CTNNA3: variants seen among roughly 807,000 people sequenced by gnomAD.
The protein encoded by CTNNA3 is catenin alpha-3.
CTNNA3 carries 76 observed loss-of-function variants against 95.7 expected under a neutral mutation model. The observed-to-expected ratio is 0.79, with a 90% CI of 0.66 to 0.96. The LOEUF is 0.96. CTNNA3 is among the 40% of genes least tolerant of loss of function. The probability of loss-of-function intolerance (pLI) is 0.00; values close to 1 mark genes in which losing one functional copy is unlikely to be tolerated. For missense variants in CTNNA3, 1,191 were observed against 1,089.8 expected (o/e 1.09, Z -1.31); for synonymous variants, 431 against 374.4 (o/e 1.15, Z -1.74).
intron 13 of CTNNA3, among the ~76,000 whole-genome samples, chr10:66,164,320 G>A (rs2085008462): frequency 6.6e-6 from 1 of 152,152 alleles, no homozygotes; most frequent in Non-Finnish European, 1.5e-5. Context: ...GGAAGTTATT[G>A]TAGTAGATAT....
In CTNNA3 at chr10:66,346,572, T is replaced by C. The variant is rs941337335; in HGVS notation, c.1732+32580A>G. On this transcript the variant is annotated intron_variant, in intron 12 of 17. Transcript: ENST00000433211. ...GATTACAGGCGTGAGCCACCGCACC[T>C]GGCCAAATAGTAAATATATTCATAA... is the stretch of plus-strand genomic sequence containing the variant. Among the ~76,000 whole-genome samples, 18 of 152,092 alleles carry C rather than the reference T, an allele frequency of 1.2e-4. 1 individual carries two copies. The highest frequency in any genetic ancestry group is 2.2e-4 in the Non-Finnish European group (15 of 67,934).
chr10:67,432,998 C>T (rs912924054), intron 5 of CTNNA3, among the ~76,000 whole-genome samples: 1 of 151,918 alleles, frequency 6.6e-6, no homozygotes, highest in Admixed American at 6.6e-5. Context: ...TTTTTAATTT[C>T]CTTCATGAAC....
intron 5 of CTNNA3, among the ~76,000 whole-genome samples, chr10:67,404,375 G>T (rs1478064281): frequency 1.3e-5 from 2 of 151,780 alleles, no homozygotes; most frequent in African/African-American, 4.8e-5. Context: ...CAACCTGATA[G>T]AGCTGAAAAA....
At chr10:67,284,886 G>C (rs535416897) in intron 5 of CTNNA3, among the ~76,000 whole-genome samples, 1 of 152,236 alleles carries the variant, frequency 6.6e-6, no homozygotes, top group Non-Finnish European at 1.5e-5. Context: ...GCTATGTGAG[G>C]AATACAAAAT....
intron 7 of CTNNA3, among the ~76,000 whole-genome samples, chr10:67,093,980 G>A (rs1159349517): frequency 6.6e-6 from 1 of 151,898 alleles, no homozygotes; most frequent in Non-Finnish European, 1.5e-5. Flanking sequence ...GTAGTGCACT[G>A]CTACTTGAGC....
At position 67,580,330 on chromosome 10, in the gene CTNNA3, T is replaced by A. The variant is rs965076541; in HGVS notation, c.292+26527A>T. ...AATAAGGAATCCTTTCCTCCTTTCT[T>A]GTTTTTGTCAGGTTTGTCAAAGATC... On this transcript the variant is annotated intron_variant, in intron 3 of 17. Coordinates refer to ENST00000433211, the MANE Select transcript of CTNNA3 (RefSeq NM_013266.4). Among the ~76,000 whole-genome samples, 16 of 152,306 alleles carry A rather than the reference T, an allele frequency of 1.1e-4. 1 individual carries two copies. Among genetic ancestry groups the A allele is most frequent in the African/African-American group, 3.1e-4 (13 of 41,554 alleles).
intron 1 of CTNNA3, among the ~76,000 whole-genome samples, chr10:67,726,427 TATATC>T (rs374675221): frequency 0.56 from 19,271 of 34,288 alleles, 4,579 homozygotes; most frequent in African/African-American, 0.69. Context: ...TATTATATAT[TATATC>T]ATATATAATA....
intron 3 of CTNNA3, among the ~76,000 whole-genome samples, chr10:67,580,830 G>A (rs1336474120): frequency 6.6e-6 from 1 of 151,416 alleles, no homozygotes; most frequent in Admixed American, 6.6e-5. Context: ...ATTGTGAATG[G>A]GAGTTCACTC....
At chr10:67,320,652 A>T (rs979968234) in intron 5 of CTNNA3, among the ~76,000 whole-genome samples, 2 of 152,192 alleles carry the variant, frequency 1.3e-5, no homozygotes, top group Admixed American at 1.3e-4. Flanking sequence ...AATGCTAGTG[A>T]AATTAATAAG....
At chr10:67,438,512 T>A (rs1016113606) in intron 5 of CTNNA3, among the ~76,000 whole-genome samples, 1 of 152,116 alleles carries the variant, frequency 6.6e-6, no homozygotes, top group Non-Finnish European at 1.5e-5. Flanking sequence ...CACCATCAAT[T>A]GTCCCTAAAG....
intron 15 of CTNNA3, among the ~76,000 whole-genome samples, chr10:66,016,734 A>G (rs10996828): frequency 0.13 from 20,017 of 152,164 alleles, 1,389 homozygotes; most frequent in Non-Finnish European, 0.15. Context: ...GCAACATATC[A>G]TAAAAGAGAT....
intron 11 of CTNNA3, among the ~76,000 whole-genome samples, chr10:66,411,983 C>T (rs897214753): frequency 5.3e-5 from 8 of 152,078 alleles, no homozygotes; most frequent in African/African-American, 9.7e-5. Context: ...TCCCCATCTC[C>T]GTCAGTCGCT....
rs1022224417 is a variant in CTNNA3 at position 67,295,540 on chromosome 10, G to A, written c.580-75670C>T. 2.0e-5 allele frequency among the ~76,000 whole-genome samples: 3 copies of A among 152,134 alleles called. No homozygotes were observed. The South Asian group carries it at 6.2e-4, about 32-fold the overall frequency. On this transcript the variant is annotated intron_variant, in intron 5 of 17. Transcript: ENST00000433211. ...CAGGAGTTTTTCAAGGATAATAGCTGAGACCTGCTTATATATAGGCCATAA... is the reference window on the plus strand; with the variant it reads ...CAGGAGTTTTTCAAGGATAATAGCTAAGACCTGCTTATATATAGGCCATAA...
At chr10:66,125,847 C>T (rs3907198) in intron 13 of CTNNA3, among the ~76,000 whole-genome samples, 1,675 of 152,124 alleles carry the variant, frequency 0.011, 25 homozygotes, top group African/African-American at 0.038. Flanking sequence ...TGATTCAAGG[C>T]GAGAGGAGGA....
chr10:66,312,578 C>G (rs1338468363), intron 12 of CTNNA3, among the ~76,000 whole-genome samples: 1 of 151,208 alleles, frequency 6.6e-6, no homozygotes, highest in Admixed American at 6.6e-5. Context: ...GACAGAGTCT[C>G]ACTCTGTCAC....
intron 6 of CTNNA3, among the ~76,000 whole-genome samples, chr10:67,219,072 A>G (rs1034377742): frequency 2.0e-5 from 3 of 152,176 alleles, no homozygotes; most frequent in Admixed American, 1.3e-4. Flanking sequence ...CACAGGGCAC[A>G]TACCTTCAAG....
intron 5 of CTNNA3, among the ~76,000 whole-genome samples, chr10:67,406,642 C>A (rs1279606076): frequency 6.6e-6 from 1 of 151,436 alleles, no homozygotes; most frequent in African/African-American, 2.4e-5. Context: ...AGCTAATTTT[C>A]TGAAAAAAAG....
intron 6 of CTNNA3, among the ~76,000 whole-genome samples, chr10:67,191,497 T>C (rs1408849555): frequency 6.6e-6 from 1 of 151,870 alleles, no homozygotes; most frequent in African/African-American, 2.4e-5. Flanking sequence ...ATGCAATGTA[T>C]ATTAGCATCA....
At chr10:66,593,862 T>C (rs1843627921) in intron 10 of CTNNA3, among the ~76,000 whole-genome samples, 1 of 152,102 alleles carries the variant, frequency 6.6e-6, no homozygotes, top group Admixed American at 6.6e-5. Flanking sequence ...GATTACTCCT[T>C]CCCTGATAGC....
Sources: gnomAD v4.1 joint callset for allele counts (sites outside exome capture counted in the v4.1 genomes callset) on GRCh38, gnomAD v4.1.1 for gene constraint, MANE v1.5 for transcripts, NCBI Gene and HGNC (gene_info 2026-07-23, HGNC 2026-07-21) for gene names.